The following KIAA0586 variants were observed in gnomAD, a reference collection of about 807,000 sequenced individuals.
KIAA0586 encodes KIAA0586, also known as protein TALPID3.
KIAA0586 carries 144 observed loss-of-function variants against 169.8 expected under a neutral mutation model. The observed-to-expected ratio is 0.85, with a 90% CI of 0.74 to 0.97. The LOEUF is 0.97. Ranked by LOEUF, KIAA0586 falls within the 50% of genes least tolerant of loss-of-function variation. The pLI, the probability that KIAA0586 is intolerant of heterozygous loss-of-function variation, is 0.00. For missense variants in KIAA0586, 1,854 were observed against 1,823.0 expected, an observed-to-expected ratio of 1.02 and a Z score of -0.31; for synonymous variants, 625 against 612.4, an observed-to-expected ratio of 1.02 and a Z score of -0.30.
chr14:58,510,493 G>A (rs535308695), intron 28 of KIAA0586, among the ~76,000 whole-genome samples: 1 of 152,258 alleles, frequency 6.6e-6, no homozygotes, highest in East Asian at 1.9e-4. Context: ...GCCAAGTGTC[G>A]GCAAGGATGT....
In KIAA0586 at chr14:58,484,905, T is replaced by TATATATTTTTATATATATATA. The variant is rs2042307437; in HGVS notation, c.3145-2096_3145-2095insTTTTATATATATATAATATAT. Reference sequence around the variant, plus strand: ...ATATATATATTTATATATATATATATATATATATATATATATATATTTTTT... The same window carrying TATATATTTTTATATATATATA: ...ATATATATATTTATATATATATATATATATATTTTTATATATATATAATATATATATATATATATATTTTTT... On this transcript the variant is annotated intron_variant, in intron 21 of 30. Transcript: ENST00000652326. Among the ~76,000 whole-genome samples, 8 of 28,724 alleles carry TATATATTTTTATATATATATA rather than the reference T, an allele frequency of 2.8e-4. 1 individual carries two copies. Among genetic ancestry groups the TATATATTTTTATATATATATA allele is most frequent in the Non-Finnish European group, 2.2e-4 (3 of 13,838 alleles). 18.8% of individuals were successfully genotyped at this position (28,724 alleles called of 152,430 possible). A position where few individuals can be genotyped will look rare whatever the true frequency, so the allele number is the denominator to read the frequency against.
intron 29 of KIAA0586, among the ~76,000 whole-genome samples, chr14:58,530,736 A>T (rs1467053669): frequency 6.6e-6 from 1 of 152,200 alleles, no homozygotes; most frequent in Non-Finnish European, 1.5e-5. Flanking sequence ...AACCATAAAA[A>T]CCCTAGAAGA....
At chr14:58,462,864 C>G (rs2040442921) in intron 14 of KIAA0586, among the ~76,000 whole-genome samples, 1 of 152,096 alleles carries the variant, frequency 6.6e-6, no homozygotes, top group South Asian at 2.1e-4. Flanking sequence ...AGAGAGGGAG[C>G]AAAGAAAGCC....
intron 26 of KIAA0586, among the ~76,000 whole-genome samples, chr14:58,493,343 A>G (rs1375649699): frequency 6.6e-6 from 1 of 152,284 alleles, no homozygotes; most frequent in Admixed American, 6.5e-5. Context: ...GGGGAAACTA[A>G]TGAGTTTGAT....
chr14:58,522,048 T>A, intron 29 of KIAA0586: 1 of 982,680 alleles, frequency 1.0e-6, no homozygotes, highest in Non-Finnish European at 1.6e-6. Context: ...GGTGCTTGTC[T>A]AAGATCAAAT....
chr14:58,431,556 C>T (rs537899650), intron 3 of KIAA0586, among the ~76,000 whole-genome samples: 37 of 152,118 alleles, frequency 2.4e-4, no homozygotes, highest in Non-Finnish European at 4.9e-4. Flanking sequence ...CGTGAGCCAC[C>T]GTGTCTGGCT....
At chr14:58,437,704 C>CAAA (rs71107947) in intron 4 of KIAA0586, among the ~76,000 whole-genome samples, 5 of 61,612 alleles carry the variant, frequency 8.1e-5, no homozygotes, top group African/African-American at 1.3e-4. Context: ...GATCCTGTCT[C>CAAA]AAAAAAAAAA....
chr14:58,441,684 A>G (rs1212120288), intron 4 of KIAA0586, among the ~76,000 whole-genome samples: 1 of 152,136 alleles, frequency 6.6e-6, no homozygotes, highest in Middle Eastern at 3.2e-3. Context: ...CCCAGGCTAG[A>G]GTGCAGTGGT....
chr14:58,460,988 GC>G lies in KIAA0586; in HGVS notation c.1888del (p.Leu630PhefsTer2). The G allele has an allele frequency of 6.3e-7, 1 of 1,588,968 alleles. No homozygotes were observed. The highest frequency in any genetic ancestry group is 1.1e-5 in the South Asian group (1 of 87,004). ...SSLQKERKEG[L>X]LKATTVIQDE... is the part of the protein sequence containing the mutation. ...GTTGAATAACTTTGTACACACAGGGGCTTTTGAAAGCAACCACAGTAATACA... is the reference window on the plus strand; with the variant it reads ...GTTGAATAACTTTGTACACACAGGGGTTTTGAAAGCAACCACAGTAATACA... On this transcript the variant is annotated frameshift_variant, in exon 14 of 31. Transcript: ENST00000652326. LOFTEE classifies it high-confidence loss of function.
At chr14:58,476,303 A>G (rs962692104) in intron 19 of KIAA0586, among the ~76,000 whole-genome samples, 3 of 152,168 alleles carry the variant, frequency 2.0e-5, no homozygotes, top group African/African-American at 7.2e-5. Context: ...GCACTAAAGA[A>G]ATGTTCTAGA....
intron 29 of KIAA0586, chr14:58,521,011 C>T (rs745329532): frequency 1.6e-5 from 5 of 306,318 alleles, no homozygotes; most frequent in Admixed American, 4.4e-5. Flanking sequence ...TCTGCTCTCC[C>T]GGGATAAAAA....
At chr14:58,488,955 T>G (rs550659511) in intron 24 of KIAA0586, 81 bp downstream of exon 24, 44 of 1,404,464 alleles carry the variant, frequency 3.1e-5, no homozygotes, top group Non-Finnish European at 3.9e-5. Context: ...TAAAGTGTTT[T>G]TACTTAACTT....
intron 29 of KIAA0586, among the ~76,000 whole-genome samples, chr14:58,535,099 A>G (rs1229786404): frequency 6.6e-6 from 1 of 152,236 alleles, no homozygotes; most frequent in Non-Finnish European, 1.5e-5. Flanking sequence ...CACTTCACAT[A>G]AATGAAATCA....
chr14:58,459,309 G>A (rs1285693018), intron 12 of KIAA0586, among the ~76,000 whole-genome samples: 1 of 151,922 alleles, frequency 6.6e-6, no homozygotes, highest in Non-Finnish European at 1.5e-5. Flanking sequence ...GGTACTATAT[G>A]GTACACACAC....
Position 58,442,739 on chromosome 14 carries a change from G to T in KIAA0586, c.444G>T (p.Lys148Asn), listed in dbSNP as rs2038503572. The T allele has an allele frequency of 5.7e-6, 9 of 1,585,088 alleles. No homozygotes were observed. Among genetic ancestry groups the T allele is most frequent in the South Asian group, 1.1e-5 (1 of 87,362 alleles). Residue 148 changes from lysine (K) to asparagine (N), a missense_variant, in exon 5 of 31, where the codon AAG (lysine) becomes AAT (asparagine). Coordinates refer to ENST00000652326, the MANE Select transcript of KIAA0586 (RefSeq NM_001329943.3). ...AQSMPVFKEV[K>N]VHLLEDAGIE... ...GCATGCCTGTTTTTAAGGAAGTAAA[G>T]GTACATCTGTTAGAAGATGCAGGCA...
chr14:58,540,056 T>C lies in KIAA0586; in HGVS notation c.4430-15T>C, dbSNP rs1212572767. 1.3e-6 allele frequency: 2 copies of C among 1,494,806 alleles called. No individual in the cohort carries two copies. Among genetic ancestry groups the C allele is most frequent in the Admixed American group, 4.0e-5 (2 of 49,970 alleles). 92.6% of individuals were successfully genotyped at this position (1,494,806 alleles called of 1,614,324 possible). On this transcript the variant is annotated splice_polypyrimidine_tract_variant and intron_variant, in intron 29 of 30. Transcript: ENST00000652326. ...CTTAACTGATTTTCTTCTGAAAAAA[T>C]AAATTTTTATGTAGTTTCACCAGGT...
rs769613508 is a variant in KIAA0586 at position 58,470,736 on chromosome 14, A to C, written c.2553+13A>C. 1 of 1,293,394 alleles carries C rather than the reference A, an allele frequency of 7.7e-7. No individual in the cohort carries two copies. The highest frequency in any genetic ancestry group is 1.2e-5 in the South Asian group (1 of 83,382). 80.1% of individuals were successfully genotyped at this position (1,293,394 alleles called of 1,614,324 possible). ...AACTTGGATAAAGGTATATTTCAGA[A>C]TTTTATCATATTATTTTGAGTAATG... is the stretch of plus-strand genomic sequence containing the variant. On this transcript the variant is annotated intron_variant, in intron 17 of 30. Transcript: ENST00000652326.
In KIAA0586 at chr14:58,482,541, G is replaced by A; in HGVS notation, c.2973G>A (p.Gln991=). ...AAGGAACAAGCAGTGGCGCCCTCCA[G>A]CTTTTTGTTGATGCTGGTGTTCCTG... ...IVEGTSSGAL[Q]LFVDAGVPVN... The change falls in exon 21 of 31, where the codon CAG becomes CAA. Residue 991 remains glutamine (Q), a synonymous_variant. Coordinates refer to ENST00000652326, the MANE Select transcript of KIAA0586 (RefSeq NM_001329943.3). The A allele has an allele frequency of 6.4e-7, 1 of 1,555,374 alleles. No homozygotes were observed. Among genetic ancestry groups the A allele is most frequent in the Non-Finnish European group, 8.7e-7 (1 of 1,148,214 alleles).
upstream of KIAA0586, chr14:58,427,679 G>C: frequency 6.5e-7 from 1 of 1,535,594 alleles, no homozygotes; most frequent in Non-Finnish European, 8.7e-7. Context: ...CTCAAGGGCG[G>C]GTTTGAAGGG....
Sources: allele counts gnomAD v4.1 joint callset (sites outside exome capture counted in the v4.1 genomes callset), GRCh38; gene constraint gnomAD v4.1.1; transcripts MANE v1.5; gene names NCBI Gene and HGNC (gene_info 2026-07-23, HGNC 2026-07-21).